Variants in TLK2 observed in about 807,000 individuals in gnomAD.
The protein encoded by TLK2 is tousled like kinase 2, also known as serine/threonine-protein kinase tousled-like 2.
Under a neutral mutation model 117.3 loss-of-function variants are expected in TLK2, and 6 were observed. The observed-to-expected ratio is 0.05, with a 90% CI of 0.03 to 0.10. The LOEUF (loss-of-function observed/expected upper bound fraction) is 0.10, where lower values mean the gene tolerates loss of function less well. TLK2 is among the 10% of genes least tolerant of loss of function. The pLI is 1.00. For missense variants in TLK2, 299 were observed against 901.2 expected, an observed-to-expected ratio of 0.33 and a Z score of 8.56; for synonymous variants, 257 against 316.7, an observed-to-expected ratio of 0.81 and a Z score of 2.00.
At chr17:62,556,838 T>A (rs573934208) in intron 9 of TLK2, among the ~76,000 whole-genome samples, 1 of 152,376 alleles carries the variant, frequency 6.6e-6, no homozygotes, top group East Asian at 1.9e-4. Flanking sequence ...TATTTTAATA[T>A]GATTGCCCCT....
At chr17:62,505,651 A>AT (rs1567810433) in intron 2 of TLK2, among the ~76,000 whole-genome samples, 1 of 151,546 alleles carries the variant, frequency 6.6e-6, no homozygotes, top group Non-Finnish European at 1.5e-5. Context: ...CTGTTTTCAA[A>AT]TTTTTTTGAG....
chr17:62,524,122 T>G, intron 5 of TLK2, 114 bp from the exon 6 acceptor site: 1 of 646,060 alleles, frequency 1.5e-6, no homozygotes, highest in Non-Finnish European at 2.5e-6. Flanking sequence ...TAAGATGTGT[T>G]AACTTAAAGG....
chr17:62,560,273 C>T, intron 10 of TLK2, 147 bp downstream of exon 10: 1 of 533,618 alleles, frequency 1.9e-6, no homozygotes, highest in East Asian at 3.7e-5. Context: ...TTTTTCCTTA[C>T]ATGGACACCA....
rs146689289 is a variant in TLK2 at position 62,506,102 on chromosome 17, T to C, written c.82-14671T>C. Among the ~76,000 whole-genome samples, 227 of 152,314 alleles carry C rather than the reference T, an allele frequency of 1.5e-3. 1 individual carries two copies. The highest frequency in any genetic ancestry group is 5.1e-3 in the African/African-American group (213 of 41,578). On this transcript the variant is annotated intron_variant, in intron 2 of 21. Transcript: ENST00000346027. Reference sequence around the variant, plus strand: ...AATTTAGAGTCATAAGTAACAGTTATCTAGCTGAGAGTCATATGTGGGTTA... The same window carrying C: ...AATTTAGAGTCATAAGTAACAGTTACCTAGCTGAGAGTCATATGTGGGTTA...
chr17:62,591,357 T>TA lies in TLK2; in HGVS notation c.1460+5145dup, dbSNP rs112140835. On this transcript the variant is annotated intron_variant, in intron 16 of 21. Coordinates refer to ENST00000346027, the MANE Select transcript of TLK2 (RefSeq NM_006852.6). ...ACTGTACTGTTAAATATATGTAATTTAAAAAAAAAAAAAACCAGCGTGGAG... is the reference window on the plus strand; with the variant it reads ...ACTGTACTGTTAAATATATGTAATTTAAAAAAAAAAAAAAACCAGCGTGGAG... Among the ~76,000 whole-genome samples, 1,347 of 144,386 alleles carry TA rather than the reference T, an allele frequency of 9.3e-3. 16 individuals carry two copies. The highest frequency in any genetic ancestry group is 0.027 in the African/African-American group (1,052 of 39,450). 94.7% of individuals were successfully genotyped at this position (144,386 alleles called of 152,430 possible). A position where few individuals can be genotyped will look rare whatever the true frequency, so the allele number is the denominator to read the frequency against.
At chr17:62,573,400 C>A (rs961267780) in intron 12 of TLK2, 33 bp downstream of exon 12, 1 of 1,601,016 alleles carries the variant, frequency 6.2e-7, no homozygotes, top group African/African-American at 1.3e-5. Context: ...CGCTGAGACA[C>A]CACACCCTGC....
rs997405157 is a variant in TLK2, at chr17:62,613,205, C to T, written c.*640C>T. On this transcript the variant is annotated 3_prime_UTR_variant, in exon 22 of 22. Transcript: ENST00000346027. Reference sequence around the variant, plus strand: ...ATACATTTGGTCATAAAGTGAAACCCGTATTAGCAAGTACGTGGCAATGTT... The same window carrying T: ...ATACATTTGGTCATAAAGTGAAACCTGTATTAGCAAGTACGTGGCAATGTT... 1 of 152,586 alleles carries T rather than the reference C, an allele frequency of 6.6e-6. No homozygotes were observed. Among genetic ancestry groups the T allele is most frequent in the Non-Finnish European group, 1.5e-5 (1 of 68,030 alleles). 9.5% of individuals were successfully genotyped at this position (152,586 alleles called of 1,614,324 possible).
chr17:62,602,180 G>C lies in TLK2; in HGVS notation c.1859G>C (p.Trp620Ser). ...ELTSQGAGTY[W>S]YLPPECFVVG... ...ACATCACAAGGTGCTGGTACTTATT[G>C]GTAGGTATCCAGGAGCTCTGCCAGG... The change falls in exon 19 of 22, where the codon TGG becomes TCG. Residue 620 changes from tryptophan (W) to serine (S), a missense_variant and splice_region_variant. Coordinates refer to ENST00000346027, the MANE Select transcript of TLK2 (RefSeq NM_006852.6). The C allele has an allele frequency of 6.2e-7, 1 of 1,613,150 alleles. No homozygotes were observed. The highest frequency in any genetic ancestry group is 8.5e-7 in the Non-Finnish European group (1 of 1,179,570).
intron 16 of TLK2, among the ~76,000 whole-genome samples, chr17:62,590,117 A>G (rs1380272204): frequency 7.0e-6 from 1 of 142,042 alleles, no homozygotes; most frequent in East Asian, 2.1e-4. Context: ...TTTAACCTTG[A>G]AAAAAAAAAC....
At chr17:62,605,533 C>T (rs2083226571) in intron 19 of TLK2, among the ~76,000 whole-genome samples, 1 of 151,932 alleles carries the variant, frequency 6.6e-6, no homozygotes, top group Non-Finnish European at 1.5e-5. Flanking sequence ...CTACCAGGCG[C>T]AGCTAATTTT....
intron 7 of TLK2, among the ~76,000 whole-genome samples, chr17:62,540,099 C>CT (rs571889873): frequency 0.011 from 1,341 of 125,086 alleles, 16 homozygotes; most frequent in African/African-American, 0.028. Flanking sequence ...TCTTTCTTTT[C>CT]TTTTTTTTTT....
chr17:62,593,279 A>T (rs1207905689), intron 16 of TLK2, among the ~76,000 whole-genome samples: 1 of 152,208 alleles, frequency 6.6e-6, no homozygotes, highest in Admixed American at 6.5e-5. Context: ...AGAGTCTAGG[A>T]TACTGTTGTA....
At chr17:62,516,917 C>G in intron 2 of TLK2, 1 of 621,578 alleles carries the variant, frequency 1.6e-6, no homozygotes, top group Non-Finnish European at 2.8e-6. Context: ...TCTCCAGCAC[C>G]ATTTTTTGAG....
At chr17:62,581,786 G>A (rs1457316918) in intron 15 of TLK2, among the ~76,000 whole-genome samples, 1 of 152,026 alleles carries the variant, frequency 6.6e-6, no homozygotes, top group Non-Finnish European at 1.5e-5. Context: ...AGTAGGATTG[G>A]CCCATAGTCA....
chr17:62,504,230 A>G (rs970912628), intron 2 of TLK2, among the ~76,000 whole-genome samples: 10 of 152,198 alleles, frequency 6.6e-5, no homozygotes, highest in African/African-American at 1.2e-4. Flanking sequence ...TTGAGCACCA[A>G]CTATATTTCA....
At position 62,536,270 on chromosome 17, in the gene TLK2, C is replaced by G. The variant is rs560196759; in HGVS notation, c.464C>G (p.Ala155Gly). The part of the protein sequence containing the change: ...ALPTLMSVML[A>G]KPRLDTEQLA... ...CCAACCCTCATGTCAGTGATGCTAG[C>G]AAAACCTCGGCTTGACACAGAGCAG... The change falls in exon 7 of 22, where the codon GCA becomes GGA. Residue 155 changes from alanine to glycine, a missense_variant. This residue lies in a region of TLK2 where 105 missense variants were observed against 218.4 expected (regional missense o/e 0.48). Transcript: ENST00000346027. The G allele has an allele frequency of 9.8e-5, 158 of 1,613,598 alleles. 1 individual carries two copies. The Admixed American group carries it at 2.6e-3, about 26-fold the overall frequency.
At chr17:62,481,268 AT>A in intron 2 of TLK2, 62 bp downstream of exon 2, 1 of 1,582,012 alleles carries the variant, frequency 6.3e-7, no homozygotes, top group Non-Finnish European at 8.7e-7. Context: ...TTTTTAAATG[AT>A]TAAGAGCAAT....
intron 2 of TLK2, among the ~76,000 whole-genome samples, chr17:62,491,693 A>G (rs949709430): frequency 4.6e-5 from 7 of 152,214 alleles, no homozygotes; most frequent in South Asian, 2.1e-4. Context: ...GGTTCAAGCA[A>G]TTCTGCCTCA....
At chr17:62,494,235 G>A (rs1224947007) in intron 2 of TLK2, among the ~76,000 whole-genome samples, 9 of 151,914 alleles carry the variant, frequency 5.9e-5, no homozygotes, top group African/African-American at 1.7e-4. Context: ...GGCGTGTGCC[G>A]TCACGCCTGG....
Sources: allele counts gnomAD v4.1 joint callset (sites outside exome capture counted in the v4.1 genomes callset), GRCh38; gene constraint gnomAD v4.1.1; regional missense constraint gnomAD v4.1.1; transcripts MANE v1.5; gene names NCBI Gene and HGNC (gene_info 2026-07-23, HGNC 2026-07-21).